The following ASAP2 variants were observed in gnomAD, a reference collection of about 807,000 sequenced individuals.
The protein encoded by ASAP2 is arf-GAP with SH3 domain, ANK repeat and PH domain-containing protein 2.
A neutral mutation model predicts 131.4 loss-of-function variants in ASAP2; 45 were observed. That is an observed-to-expected ratio of 0.34 (90% confidence interval 0.27 to 0.44). The LOEUF is 0.44. Among genes scored for constraint, ASAP2 ranks in the 20% least tolerant of loss-of-function variants. The pLI is 1.00. For synonymous variants in ASAP2, 510 were observed against 503.0 expected (o/e 1.01, Z -0.19); for missense variants, 1,011 against 1,297.0 (o/e 0.78, Z 3.39).
At chr2:9,335,240 T>C in intron 9 of ASAP2, 61 bp downstream of exon 9, 3 of 1,441,526 alleles carry the variant, frequency 2.1e-6, no homozygotes, top group Non-Finnish European at 2.9e-6. Flanking sequence ...GCTTTGGGTC[T>C]GAAGAACATG....
At chr2:9,247,367 C>T (rs558439618) in intron 1 of ASAP2, among the ~76,000 whole-genome samples, 5 of 152,304 alleles carry the variant, frequency 3.3e-5, no homozygotes, top group South Asian at 4.1e-4. Flanking sequence ...GAGTCCCAGA[C>T]GGTCCCCGGT....
At chr2:9,313,618 C>T (rs145564656) in intron 3 of ASAP2, among the ~76,000 whole-genome samples, 8 of 152,344 alleles carry the variant, frequency 5.3e-5, no homozygotes, top group Admixed American at 2.6e-4. Flanking sequence ...CTTTCTTGCA[C>T]GTGCCTTGTT....
At chr2:9,276,486 T>C (rs1666767543) in intron 1 of ASAP2, among the ~76,000 whole-genome samples, 1 of 152,292 alleles carries the variant, frequency 6.6e-6, no homozygotes, top group Middle Eastern at 3.4e-3. Flanking sequence ...GGAAGCCTTA[T>C]AGTGCCTGGG....
In ASAP2 at chr2:9,379,009, ATG is replaced by A; in HGVS notation, c.1899_1900del (p.Ala634ArgfsTer36). The A allele has an allele frequency of 6.3e-7, 1 of 1,578,160 alleles. No individual in the cohort carries two copies. The highest frequency in any genetic ancestry group is 8.6e-7 in the Non-Finnish European group (1 of 1,161,550). On this transcript the variant is annotated frameshift_variant, in exon 19 of 28. Transcript: ENST00000281419. LOFTEE classifies it high-confidence loss of function. ...CTGCACTACTGCTGCCTGACCGACA[ATG>A]CCGAGTGCCTCAAGTTGCTCCTGCG...
At chr2:9,231,209 C>G (rs939734561) in intron 1 of ASAP2, among the ~76,000 whole-genome samples, 5 of 152,132 alleles carry the variant, frequency 3.3e-5, no homozygotes, top group Non-Finnish European at 5.9e-5. Flanking sequence ...GAATCCTTTC[C>G]CTTCACTCCC....
intron 4 of ASAP2, among the ~76,000 whole-genome samples, chr2:9,318,865 AAAAGT>A (rs1203321888): frequency 6.6e-6 from 1 of 152,236 alleles, no homozygotes; most frequent in African/African-American, 2.4e-5. Flanking sequence ...CTATTTTGGA[AAAAGT>A]AAAGAGTTTC....
At chr2:9,214,721 A>G (rs1188543121) in intron 1 of ASAP2, among the ~76,000 whole-genome samples, 1 of 147,238 alleles carries the variant, frequency 6.8e-6, no homozygotes, top group East Asian at 2.1e-4. Context: ...CCCCTACCGT[A>G]TGTTGTCACT....
intron 1 of ASAP2, among the ~76,000 whole-genome samples, chr2:9,237,668 C>T (rs1663649232): frequency 6.6e-6 from 1 of 152,120 alleles, no homozygotes. Context: ...GATCCTCCTG[C>T]CTCGGCCCCT....
intron 25 of ASAP2, among the ~76,000 whole-genome samples, chr2:9,400,471 C>G (rs1375338344): frequency 6.7e-6 from 1 of 149,220 alleles, no homozygotes; most frequent in African/African-American, 2.5e-5. Flanking sequence ...TCCCTCCTCC[C>G]TCGGCCTCTG....
At chr2:9,239,215 T>G (rs899831597) in intron 1 of ASAP2, among the ~76,000 whole-genome samples, 2 of 152,236 alleles carry the variant, frequency 1.3e-5, no homozygotes, top group African/African-American at 4.8e-5. Context: ...GAATTACATT[T>G]TTAACACTGC....
Position 9,372,735 on chromosome 2 carries a change from C to T in ASAP2, c.1557-2020C>T, listed in dbSNP as rs969048582. Among the ~76,000 whole-genome samples, 76 of 152,142 alleles carry T rather than the reference C, an allele frequency of 5.0e-4. 4 individuals are homozygous for T. Among genetic ancestry groups the T allele is most frequent in the Non-Finnish European group, 2.9e-5 (2 of 68,022 alleles). ...GGGTCAGAGGTGGCTGGAGCATGTC[C>T]TGGCAGCTGAAGTCCAGGGTGGGAA... On this transcript the variant is annotated intron_variant, in intron 16 of 27. Transcript: ENST00000281419.
At chr2:9,358,256 T>C (rs768059715) in intron 14 of ASAP2, among the ~76,000 whole-genome samples, 1 of 152,248 alleles carries the variant, frequency 6.6e-6, no homozygotes, top group Non-Finnish European at 1.5e-5. Context: ...AAACTGTTAT[T>C]GCTACTACCA....
Position 9,353,239 on chromosome 2 carries a change from C to CCAAGATGCTTTTGAACTCT in ASAP2, c.1111+2362_1111+2380dup, listed in dbSNP as rs369508475. 4.3e-3 allele frequency among the ~76,000 whole-genome samples: 651 copies of CCAAGATGCTTTTGAACTCT among 152,208 alleles called. 4 individuals carry two copies. The highest frequency in any genetic ancestry group is 0.015 in the African/African-American group (630 of 41,508). On this transcript the variant is annotated intron_variant, in intron 12 of 27. Transcript: ENST00000281419. ...CACCAGCCTCATGGGATGAGTATCACCAAGATGCTTTTGAACTCTCAAGAT... is the reference window on the plus strand; with the variant it reads ...CACCAGCCTCATGGGATGAGTATCACCAAGATGCTTTTGAACTCTCAAGATGCTTTTGAACTCTCAAGAT...
intron 1 of ASAP2, among the ~76,000 whole-genome samples, chr2:9,216,661 A>G (rs941598826): frequency 6.6e-6 from 1 of 151,770 alleles, no homozygotes; most frequent in African/African-American, 2.4e-5. Flanking sequence ...GGGTTTTGCC[A>G]TGTTGGGCAG....
At chr2:9,257,392 A>C (rs926378652) in intron 1 of ASAP2, among the ~76,000 whole-genome samples, 14 of 152,238 alleles carry the variant, frequency 9.2e-5, no homozygotes, top group Admixed American at 9.2e-4. Flanking sequence ...TTTCCCTGCA[A>C]AATTAAAATA....
chr2:9,252,347 G>A (rs745515368), intron 1 of ASAP2, among the ~76,000 whole-genome samples: 5 of 152,190 alleles, frequency 3.3e-5, no homozygotes, highest in Non-Finnish European at 7.3e-5. Context: ...TTGAGAGGTC[G>A]AGATGGGTGG....
At chr2:9,349,026 GT>G (rs2148623347) in intron 11 of ASAP2, among the ~76,000 whole-genome samples, 1 of 152,234 alleles carries the variant, frequency 6.6e-6, no homozygotes, top group Non-Finnish European at 1.5e-5. Context: ...AGATTATTTG[GT>G]CTGTCCGGGC....
At chr2:9,298,179 C>T (rs1285907899) in intron 3 of ASAP2, among the ~76,000 whole-genome samples, 3 of 152,170 alleles carry the variant, frequency 2.0e-5, no homozygotes, top group African/African-American at 4.8e-5. Context: ...TCCTAAAGGT[C>T]AGGGAAGGCC....
intron 16 of ASAP2, 60 bp downstream of exon 16, chr2:9,368,579 C>T (rs892762661): frequency 2.2e-5 from 32 of 1,469,036 alleles, no homozygotes; most frequent in East Asian, 1.6e-4. Context: ...GCCCGAGCCC[C>T]GGGAGGCAGG....
Sources: allele counts gnomAD v4.1 joint callset (sites outside exome capture counted in the v4.1 genomes callset), GRCh38; gene constraint gnomAD v4.1.1; transcripts MANE v1.5; gene names NCBI Gene and HGNC (gene_info 2026-07-23, HGNC 2026-07-21).